Variants in ANAPC5 observed in about 807,000 individuals in gnomAD.
ANAPC5 encodes the protein anaphase promoting complex subunit 5, also known as anaphase-promoting complex subunit 5.
Under a neutral mutation model 91.3 loss-of-function variants are expected in ANAPC5, and 60 were observed. The observed-to-expected ratio is 0.66, with a 90% CI of 0.53 to 0.81. The LOEUF (loss-of-function observed/expected upper bound fraction) is 0.81. ANAPC5 is among the 40% of genes least tolerant of loss of function. The pLI is 0.00. For synonymous variants in ANAPC5, 340 were observed against 364.1 expected (o/e 0.93, Z 0.75); for missense variants, 690 against 931.5 (o/e 0.74, Z 3.37).
rs540657530 is a variant in ANAPC5, at chr12:121,338,230, T to C, written c.658-838A>G. On this transcript the variant is annotated intron_variant, in intron 5 of 16. Transcript: ENST00000261819. ...CCTCATCTCTATTTAAAAATAATAA[T>C]TTCTTTAAAAAAAATTTTTTTAAAG... Among the ~76,000 whole-genome samples the C allele has an allele frequency of 1.1e-3, 169 of 152,114 alleles. 1 individual carries two copies. The highest frequency in any genetic ancestry group is 3.8e-3 in the African/African-American group (159 of 41,506).
At chr12:121,329,846 C>A (rs1319651865) in intron 9 of ANAPC5, among the ~76,000 whole-genome samples, 4 of 151,894 alleles carry the variant, frequency 2.6e-5, no homozygotes, top group African/African-American at 9.7e-5. Flanking sequence ...AACTCCTGAC[C>A]TCAGGTGATC....
chr12:121,316,795 A>G (rs565033515), intron 15 of ANAPC5, among the ~76,000 whole-genome samples: 2 of 151,974 alleles, frequency 1.3e-5, no homozygotes, highest in Non-Finnish European at 2.9e-5. Context: ...ACAGAAATGT[A>G]AAGAGCCGCT....
In ANAPC5 at chr12:121,338,771, GTA is replaced by G. The variant is rs141256427; in HGVS notation, c.658-1381_658-1380del. On this transcript the variant is annotated intron_variant, in intron 5 of 16. Transcript: ENST00000261819. ...ATCCTAGTCTTTGTTCTGTATGTGT[GTA>G]TATATGTTACATATCATATTCTGAT... is the stretch of plus-strand genomic sequence containing the variant. Among the ~76,000 whole-genome samples the G allele has an allele frequency of 5.0e-3, 767 of 151,926 alleles. 3 individuals carry two copies. Among genetic ancestry groups the G allele is most frequent in the African/African-American group, 0.017 (720 of 41,374 alleles).
At chr12:121,331,596 G>A (rs1362737240) in intron 7 of ANAPC5, 168 bp from the exon 8 acceptor site, 5 of 469,978 alleles carry the variant, frequency 1.1e-5, no homozygotes, top group African/African-American at 5.8e-5. Flanking sequence ...CCTAGCAGCA[G>A]AAAACACTGA....
rs117683496 is a variant in ANAPC5 at position 121,352,242 on chromosome 12, G to T, written c.99C>A (p.Tyr33Ter). 3.7e-6 allele frequency: 6 copies of T among 1,614,060 alleles called. No homozygotes were observed. The highest frequency in any genetic ancestry group is 5.1e-6 in the Non-Finnish European group (6 of 1,180,014). ...TCAGCAGCACCAGCACCGCGATCTT[G>T]TACGGCGTCACCCAGTCCTTGATGC... ...VFGIKDWVTP[Y>*]KIAVLVLLNE... The change falls in exon 1 of 17, where the codon TAC becomes TAA. Residue 33 changes from tyrosine to a stop codon, truncating the protein, a stop_gained. Transcript: ENST00000261819. LOFTEE classifies it high-confidence loss of function.
intron 4 of ANAPC5, among the ~76,000 whole-genome samples, chr12:121,343,218 A>G (rs1389607550): frequency 6.6e-6 from 1 of 152,244 alleles, no homozygotes; most frequent in Non-Finnish European, 1.5e-5. Flanking sequence ...GAATTTTAAC[A>G]TTTCTGCAGA....
Position 121,328,384 on chromosome 12 carries a change from G to C in ANAPC5, c.1236C>G (p.His412Gln). Reference sequence around the variant, plus strand: ...TGATATCGATGAGCTCTGACAGGCTGTGTTTCCAGTGCAGGAGGTCGGAGT... The same window carrying C: ...TGATATCGATGAGCTCTGACAGGCTCTGTTTCCAGTGCAGGAGGTCGGAGT... Reference protein sequence around the residue: ...LKDSDLLHWKHSLSELIDISI... With the variant: ...LKDSDLLHWKQSLSELIDISI... Residue 412 changes from histidine to glutamine, a missense_variant, in exon 10 of 17, where the codon CAC becomes CAG. His to Gln is a conservative substitution (Grantham distance 24). Transcript: ENST00000261819. 4.3e-6 allele frequency: 7 copies of C among 1,613,996 alleles called. No individual in the cohort carries two copies. The highest frequency in any genetic ancestry group is 5.1e-6 in the Non-Finnish European group (6 of 1,179,984).
upstream of ANAPC5, among the ~76,000 whole-genome samples, chr12:121,352,718 T>TTGTTGTTGTTGTTGGTGGTGGTGGTGG (rs71079056): frequency 3.9e-5 from 4 of 102,348 alleles, no homozygotes; most frequent in African/African-American, 5.6e-5. Flanking sequence ...GTTGTTGTTG[T>TTGTTGTTGTTGTTGGTGGTGGTGGTGG]TGGTGGTGGT....
At position 121,327,238 on chromosome 12, in the gene ANAPC5, G is replaced by A. The variant is rs782689692; in HGVS notation, c.1305-7C>T. 52 of 1,611,366 alleles carry A rather than the reference G, an allele frequency of 3.2e-5. No homozygotes were observed. The highest frequency in any genetic ancestry group is 1.8e-4 in the Admixed American group (11 of 59,592). ...CTGTTGCAGTGCCATGGTGCTGGGT[G>A]GGGAGAGGGAACAGGATTTCCTTTC... is the stretch of plus-strand genomic sequence containing the variant. On this transcript the variant is annotated splice_region_variant and splice_polypyrimidine_tract_variant and intron_variant, in intron 10 of 16. Transcript: ENST00000261819.
intron 3 of ANAPC5, chr12:121,346,585 CTGG>C (rs1444783955): frequency 1.6e-5 from 4 of 253,372 alleles, no homozygotes; most frequent in Non-Finnish European, 3.0e-5. Flanking sequence ...TAAGTCTGGG[CTGG>C]TGACCCTCAC....
intron 15 of ANAPC5, 186 bp downstream of exon 15, chr12:121,318,091 G>A: frequency 1.8e-6 from 1 of 555,234 alleles, no homozygotes; most frequent in Admixed American, 4.1e-5. Context: ...ACTGGAAAGT[G>A]TCAGTTTGTC....
At chr12:121,312,849 C>T (rs2136754622) in intron 15 of ANAPC5, among the ~76,000 whole-genome samples, 1 of 150,934 alleles carries the variant, frequency 6.6e-6, no homozygotes, top group Admixed American at 6.6e-5. Flanking sequence ...CACTGCACTC[C>T]AACCTGGGTG....
In ANAPC5 at chr12:121,308,503, C is replaced by T. The variant is rs1902027144; in HGVS notation, c.2245G>A (p.Val749Ile). 1 of 1,613,936 alleles carries T rather than the reference C, an allele frequency of 6.2e-7. No homozygotes were observed. Among genetic ancestry groups the T allele is most frequent in the Non-Finnish European group, 8.5e-7 (1 of 1,179,988 alleles). Residue 749 changes from valine (V) to isoleucine (I), a missense_variant, in exon 17 of 17, where the codon GTA (valine) becomes ATA (isoleucine). Val to Ile is a conservative substitution (Grantham distance 29, BLOSUM62 3). This residue lies in a region of ANAPC5 where 317 missense variants were observed against 438.7 expected (regional missense o/e 0.72). Coordinates refer to ENST00000261819, the MANE Select transcript of ANAPC5 (RefSeq NM_016237.5). ...CTCTAGAGATGGTTTATCAAGGGTACCCCATGAGAGGGCAGCTCCTGATGC... is the reference window on the plus strand; with the variant it reads ...CTCTAGAGATGGTTTATCAAGGGTATCCCATGAGAGGGCAGCTCCTGATGC... ...QLHQELPSHG[V>I]PLINHL is the part of the protein sequence containing the mutation.
At chr12:121,318,141 C>A (rs1441141089) in intron 15 of ANAPC5, 136 bp downstream of exon 15, 5 of 1,111,612 alleles carry the variant, frequency 4.5e-6, no homozygotes, top group African/African-American at 1.6e-5. Flanking sequence ...GGAGGGCTTG[C>A]ACAGGAAGAC....
chr12:121,324,229 A>T (rs1902723649), intron 11 of ANAPC5, among the ~76,000 whole-genome samples: 1 of 152,214 alleles, frequency 6.6e-6, no homozygotes, highest in Non-Finnish European at 1.5e-5. Flanking sequence ...TTTCACAAGT[A>T]TGAGTCTAAC....
At chr12:121,344,490 A>G (rs1188160462) in intron 4 of ANAPC5, among the ~76,000 whole-genome samples, 6 of 151,840 alleles carry the variant, frequency 4.0e-5, no homozygotes, top group Non-Finnish European at 8.8e-5. Flanking sequence ...AGGTGGAGGC[A>G]GGAGAATCAC....
chr12:121,337,730 T>C (rs192339715), intron 5 of ANAPC5, among the ~76,000 whole-genome samples: 1 of 152,268 alleles, frequency 6.6e-6, no homozygotes. Context: ...TGTCACCTTC[T>C]AGATGAAGGT....
rs1389658001 is a variant in ANAPC5, at chr12:121,327,136, G to A, written c.1400C>T (p.Ala467Val). 10 of 1,612,124 alleles carry A rather than the reference G, an allele frequency of 6.2e-6. No homozygotes were observed. The highest frequency in any genetic ancestry group is 2.2e-5 in the East Asian group (1 of 44,814). The part of the protein sequence containing the change: ...GVQQNNTESF[A>V]VALCHLAELH... ...CTCTGCGAGGTGGCAGAGTGCGACA[G>A]CAAAGGACTCTGTGTTGTTCTGCTG... Residue 467 changes from alanine (A) to valine (V), a missense_variant, in exon 11 of 17, where the codon GCT (alanine) becomes GTT (valine). Physicochemically the swap from Ala to Val is moderately conservative, Grantham distance 64. Coordinates refer to ENST00000261819, the MANE Select transcript of ANAPC5 (RefSeq NM_016237.5).
chr12:121,320,529 A>C, intron 11 of ANAPC5, 70 bp from the exon 12 acceptor site: 3 of 1,273,794 alleles, frequency 2.4e-6, no homozygotes, highest in Non-Finnish European at 3.4e-6. Flanking sequence ...CCATGCACAG[A>C]TGGTGACAGA....
Sources: gnomAD v4.1 joint callset for allele counts (sites outside exome capture counted in the v4.1 genomes callset) on GRCh38, gnomAD v4.1.1 for gene constraint, gnomAD v4.1.1 regional missense constraint, MANE v1.5 for transcripts, NCBI Gene and HGNC (gene_info 2026-07-23, HGNC 2026-07-21) for gene names.